Variants in FBN2 observed in about 807,000 individuals in gnomAD.
FBN2 encodes the protein fibrillin 2, also known as fibrillin-2.
Under a neutral mutation model 355.6 loss-of-function variants are expected in FBN2, and 105 were observed. The observed-to-expected ratio is 0.30, with a 90% CI of 0.25 to 0.35. The LOEUF is 0.35. Among genes scored for constraint, FBN2 ranks in the 10% least tolerant of loss-of-function variants. FBN2 has a pLI of 1.00. For synonymous variants in FBN2, 1,350 were observed against 1,301.2 expected, an observed-to-expected ratio of 1.04 and a Z score of -0.81; for missense variants, 3,280 against 3,758.7, an observed-to-expected ratio of 0.87 and a Z score of 3.33.
intron 7 of FBN2, among the ~76,000 whole-genome samples, chr5:128,421,790 G>A (rs907850730): frequency 5.3e-5 from 8 of 152,182 alleles, no homozygotes; most frequent in Admixed American, 1.3e-4. Flanking sequence ...TTTTAAGAAA[G>A]TCAATAGCAG....
intron 21 of FBN2, 86 bp from the exon 22 acceptor site, chr5:128,350,091 A>T (rs1304900133): frequency 1.8e-6 from 2 of 1,137,202 alleles, no homozygotes; most frequent in Admixed American, 1.8e-5. Context: ...ATGAAATCTA[A>T]ATGGAACTAA....
chr5:128,316,159 T>A (rs915478285), intron 36 of FBN2, among the ~76,000 whole-genome samples: 2 of 152,184 alleles, frequency 1.3e-5, no homozygotes, highest in African/African-American at 4.8e-5. Context: ...AATGATGCAA[T>A]CCTTAGGACA....
chr5:128,302,353 C>CT (rs1561758323), intron 46 of FBN2, among the ~76,000 whole-genome samples: 2 of 152,222 alleles, frequency 1.3e-5, no homozygotes. Flanking sequence ...CTCTTATTCT[C>CT]TCCTCCAACT....
chr5:128,537,260 TG>T, intron 1 of FBN2, 89 bp downstream of exon 1: 1 of 1,570,088 alleles, frequency 6.4e-7, no homozygotes, highest in Non-Finnish European at 8.6e-7. Context: ...CTAAAGGGTC[TG>T]GGACGGAGTG....
chr5:128,473,828 T>A (rs145521201), intron 5 of FBN2, among the ~76,000 whole-genome samples: 1 of 152,368 alleles, frequency 6.6e-6, no homozygotes, highest in East Asian at 1.9e-4. Context: ...GAGAGAAACA[T>A]TAAAGACTTT....
At chr5:128,521,895 C>G (rs1756443055) in intron 4 of FBN2, among the ~76,000 whole-genome samples, 1 of 152,150 alleles carries the variant, frequency 6.6e-6, no homozygotes, top group Non-Finnish European at 1.5e-5. Flanking sequence ...TCTAATCTGT[C>G]TAGGTTAGAC....
intron 7 of FBN2, among the ~76,000 whole-genome samples, chr5:128,436,701 AT>A (rs1465977992): frequency 1.3e-5 from 2 of 151,916 alleles, no homozygotes; most frequent in Non-Finnish European, 2.9e-5. Context: ...GTATGGAAAT[AT>A]TTGCGGTATC....
At chr5:128,307,835 C>T (rs1045992510) in intron 41 of FBN2, among the ~76,000 whole-genome samples, 4 of 151,936 alleles carry the variant, frequency 2.6e-5, no homozygotes, top group Admixed American at 6.6e-5. Flanking sequence ...ATGCTTCTGA[C>T]GCTCACTGCT....
Position 128,464,733 on chromosome 5 carries a change from C to T in FBN2, c.817G>A (p.Ala273Thr). 6.2e-7 allele frequency: 1 copy of T among 1,613,346 alleles called. No individual in the cohort carries two copies. Among genetic ancestry groups the T allele is most frequent in the Non-Finnish European group, 8.5e-7 (1 of 1,179,898 alleles). The change falls in exon 6 of 65, where the codon GCT becomes ACT. Residue 273 changes from alanine to threonine, a missense_variant. This residue lies in a region of FBN2 where 343 missense variants were observed against 331.0 expected (regional missense o/e 1.04). Coordinates refer to ENST00000262464, the MANE Select transcript of FBN2 (RefSeq NM_001999.4). ...CAGACAGCTGACTCACCTTGGCAAG[C>T]TCCAGTGCGGATGTTGGGGATGAAA... is the stretch of plus-strand genomic sequence containing the variant. ...RGFIPNIRTG[A>T]CQDVDECQAI...
At position 128,338,114 on chromosome 5, in the gene FBN2, C is replaced by A; in HGVS notation, c.3481G>T (p.Glu1161Ter). Reference protein sequence around the residue: ...MMMKNCMDIDECERNPLLCRG... With the variant: ...MMMKNCMDID Reference sequence around the variant, plus strand: ...CAAAGGAGAGGGTTACGTTCACATTCGTCAATGTCTGAAAGGTAAAAACGT... The same window carrying A: ...CAAAGGAGAGGGTTACGTTCACATTAGTCAATGTCTGAAAGGTAAAAACGT... The change falls in exon 27 of 65, where the codon GAA becomes TAA. Residue 1161 changes from glutamate (E) to a stop codon, truncating the protein, a stop_gained. Coordinates refer to ENST00000262464, the MANE Select transcript of FBN2 (RefSeq NM_001999.4). LOFTEE classifies it high-confidence loss of function. 1 of 1,613,934 alleles carries A rather than the reference C, an allele frequency of 6.2e-7. No homozygotes were observed. The highest frequency in any genetic ancestry group is 1.1e-5 in the South Asian group (1 of 91,046).
intron 36 of FBN2, among the ~76,000 whole-genome samples, chr5:128,315,061 C>A (rs942198949): frequency 1.3e-5 from 2 of 152,162 alleles, no homozygotes; most frequent in African/African-American, 4.8e-5. Context: ...TGTTGATTCA[C>A]AGGATTTGCC....
intron 7 of FBN2, among the ~76,000 whole-genome samples, chr5:128,409,131 C>G (rs1290101406): frequency 1.3e-5 from 2 of 151,944 alleles, no homozygotes; most frequent in Non-Finnish European, 1.5e-5. Context: ...CCTACTAGAG[C>G]CTTTAAAAAA....
chr5:128,280,254 C>T lies in FBN2; in HGVS notation c.7076G>A (p.Gly2359Glu), dbSNP rs1216887576. The change falls in exon 56 of 65, where the codon GGA (glycine) becomes GAA (glutamate). Residue 2359 changes from glycine (G) to glutamate (E), a missense_variant. By Grantham distance (98) the Gly-to-Glu change is moderately conservative (BLOSUM62 -2). Around this residue, in one of 6 missense-constraint regions of FBN2, gnomAD observed 2,284 missense variants for 2,749.5 expected, o/e 0.83. Transcript: ENST00000262464. ...CENGRCVNIIGSYRCECNEGF... is the reference protein window; with the variant it reads ...CENGRCVNIIESYRCECNEGF... Reference sequence around the variant, plus strand: ...TTCATTACACTCACATCTATAGCTTCCAATAATGTTAACACAACGTCCATT... The same window carrying T: ...TTCATTACACTCACATCTATAGCTTTCAATAATGTTAACACAACGTCCATT... 2 of 1,611,798 alleles carry T rather than the reference C, an allele frequency of 1.2e-6. No individual in the cohort carries two copies. Among genetic ancestry groups the T allele is most frequent in the South Asian group, 2.2e-5 (2 of 91,046 alleles).
chr5:128,307,788 T>C (rs548467139), intron 41 of FBN2, among the ~76,000 whole-genome samples: 1 of 151,690 alleles, frequency 6.6e-6, no homozygotes, highest in African/African-American at 2.4e-5. Flanking sequence ...ACCAAATCAA[T>C]GGAAATTTAA....
intron 5 of FBN2, among the ~76,000 whole-genome samples, chr5:128,470,787 T>C (rs1754840440): frequency 6.6e-6 from 1 of 151,896 alleles, no homozygotes; most frequent in South Asian, 2.1e-4. Context: ...GGCTATAATA[T>C]CATTTATGTG....
At chr5:128,309,729 T>C (rs1749980816) in intron 40 of FBN2, among the ~76,000 whole-genome samples, 1 of 152,212 alleles carries the variant, frequency 6.6e-6, no homozygotes, top group African/African-American at 2.4e-5. Context: ...TCACACTATA[T>C]GAATGGAGAT....
intron 7 of FBN2, among the ~76,000 whole-genome samples, chr5:128,419,020 A>G (rs1753277201): frequency 6.6e-6 from 1 of 152,206 alleles, no homozygotes; most frequent in South Asian, 2.1e-4. Context: ...TTAATTTAAC[A>G]AGGCTTTACA....
intron 48 of FBN2, among the ~76,000 whole-genome samples, chr5:128,296,003 T>C (rs1412265049): frequency 2.0e-5 from 3 of 151,834 alleles, no homozygotes; most frequent in African/African-American, 7.3e-5. Flanking sequence ...TATTTTGAGA[T>C]ACGTCCCATC....
intron 19 of FBN2, 90 bp from the exon 20 acceptor site, chr5:128,357,485 G>C: frequency 6.6e-7 from 1 of 1,516,022 alleles, no homozygotes; most frequent in South Asian, 1.1e-5. Flanking sequence ...CAGAATGTCT[G>C]GTAAACTTGG....
Sources: gnomAD v4.1 joint callset for allele counts (sites outside exome capture counted in the v4.1 genomes callset) on GRCh38, gnomAD v4.1.1 for gene constraint, gnomAD v4.1.1 regional missense constraint, MANE v1.5 for transcripts, NCBI Gene and HGNC (gene_info 2026-07-23, HGNC 2026-07-21) for gene names.